The following ATP6V0A4 variants were observed in gnomAD, a reference collection of about 807,000 sequenced individuals.
ATP6V0A4 encodes V-type proton ATPase 116 kDa subunit a 4.
A neutral mutation model predicts 107.3 loss-of-function variants in ATP6V0A4; 86 were observed. The ratio of observed to expected loss-of-function variants is 0.80; its 90% CI spans 0.67 to 0.96. The LOEUF is 0.96. Among genes scored for constraint, ATP6V0A4 ranks in the 40% least tolerant of loss-of-function variants. The probability of loss-of-function intolerance (pLI) is 0.00; values close to 1 mark genes in which losing one functional copy is unlikely to be tolerated. For synonymous variants in ATP6V0A4, 353 were observed against 381.4 expected (o/e 0.93, Z 0.87); for missense variants, 908 against 1,045.6 (o/e 0.87, Z 1.81).
chr7:138,717,372 C>T (rs934656801), intron 19 of ATP6V0A4, among the ~76,000 whole-genome samples: 15 of 151,356 alleles, frequency 9.9e-5, no homozygotes, highest in African/African-American at 3.4e-4. Flanking sequence ...ACGGTGAAAC[C>T]TCGTCTCTAC....
chr7:138,755,872 TTTAG>T, intron 9 of ATP6V0A4, 90 bp from the exon 10 acceptor site: 1 of 1,554,636 alleles, frequency 6.4e-7, no homozygotes, highest in South Asian at 1.2e-5. Flanking sequence ...GTTTGCTGAC[TTTAG>T]TTAGATGGCC....
At position 138,792,766 on chromosome 7, in the gene ATP6V0A4, G is replaced by GTTTTTTT. The variant is rs1202969668; in HGVS notation, c.-121+5261_-121+5267dup. On this transcript the variant is annotated intron_variant, in intron 1 of 21. Transcript: ENST00000310018. Reference sequence around the variant, plus strand: ...GGCTTGCATCACCAAACTCAGGTTTGTTTTTTTTTTTGTTGTTTTGTTTTT... The same window carrying GTTTTTTT: ...GGCTTGCATCACCAAACTCAGGTTTGTTTTTTTTTTTTTTTTTTGTTGTTTTGTTTTT... Among the ~76,000 whole-genome samples the GTTTTTTT allele has an allele frequency of 5.4e-4, 37 of 68,670 alleles. 3 individuals are homozygous for GTTTTTTT. The highest frequency in any genetic ancestry group is 1.1e-3 in the African/African-American group (18 of 15,660). The allele number at this position is 68,670 out of a possible 152,430, so 45.1% of individuals were successfully genotyped here. A position where few individuals can be genotyped will look rare whatever the true frequency, so the allele number is the denominator to read the frequency against.
chr7:138,792,762 G>GTT (rs1563025215), intron 1 of ATP6V0A4, among the ~76,000 whole-genome samples: 5 of 73,772 alleles, frequency 6.8e-5, no homozygotes, highest in African/African-American at 3.3e-4. Flanking sequence ...CCAAACTCAG[G>GTT]TTTGTTTTTT....
At chr7:138,714,419 T>C (rs1388451421) in intron 20 of ATP6V0A4, among the ~76,000 whole-genome samples, 1 of 151,762 alleles carries the variant, frequency 6.6e-6, no homozygotes, top group African/African-American at 2.4e-5. Flanking sequence ...GGGGCTCGGA[T>C]CTTTATCAAA....
Position 138,786,660 on chromosome 7 carries a change from G to C in ATP6V0A4, c.-120-400C>G, listed in dbSNP as rs137914990. On this transcript the variant is annotated intron_variant, in intron 1 of 21. Transcript: ENST00000310018. ...TTTTTACCTATAGCCTAAGGAGAGAGAGAGAGACAGATTGAGAGAGAGAGA... is the reference window on the plus strand; with the variant it reads ...TTTTTACCTATAGCCTAAGGAGAGACAGAGAGACAGATTGAGAGAGAGAGA... 7.7e-3 allele frequency among the ~76,000 whole-genome samples: 1,171 copies of C among 151,970 alleles called. 18 individuals carry two copies. The highest frequency in any genetic ancestry group is 0.026 in the African/African-American group (1,096 of 41,480).
intron 12 of ATP6V0A4, among the ~76,000 whole-genome samples, chr7:138,748,340 G>A (rs967143284): frequency 5.3e-5 from 8 of 152,116 alleles, no homozygotes; most frequent in African/African-American, 1.7e-4. Context: ...TGGGCCTCAG[G>A]CTGGAGAAGA....
chr7:138,767,723 C>T (rs1185317469), intron 5 of ATP6V0A4, among the ~76,000 whole-genome samples: 1 of 151,760 alleles, frequency 6.6e-6, no homozygotes, highest in African/African-American at 2.4e-5. Context: ...CCTGAATGAG[C>T]TGTTCCACTG....
At chr7:138,755,923 A>G in intron 9 of ATP6V0A4, 141 bp from the exon 10 acceptor site, 2 of 1,457,364 alleles carry the variant, frequency 1.4e-6, no homozygotes, top group Non-Finnish European at 1.9e-6. Flanking sequence ...TGGCCACTGG[A>G]AAAGGAGTCC....
rs1803376983 is a variant in ATP6V0A4, at chr7:138,706,609, G to A, written c.*15C>T. The A allele has an allele frequency of 6.2e-7, 1 of 1,613,666 alleles. No homozygotes were observed. The highest frequency in any genetic ancestry group is 8.5e-7 in the Non-Finnish European group (1 of 1,179,750). ...CATTGGCATGGTGACCACCGTGGGA[G>A]GTGCAGCCCTCAGCCTACTCCTCGG... is the stretch of plus-strand genomic sequence containing the variant. On this transcript the variant is annotated 3_prime_UTR_variant, in exon 22 of 22. Coordinates refer to ENST00000310018, the MANE Select transcript of ATP6V0A4 (RefSeq NM_020632.3).
At chr7:138,718,479 AG>A (rs1804234603) in intron 19 of ATP6V0A4, among the ~76,000 whole-genome samples, 1 of 12,148 alleles carries the variant, frequency 8.2e-5, no homozygotes, top group African/African-American at 4.1e-4. Context: ...GATGGCGGGG[AG>A]GGTGCAGTCA....
chr7:138,740,602 C>T (rs1360445678), intron 14 of ATP6V0A4, among the ~76,000 whole-genome samples: 5 of 149,606 alleles, frequency 3.3e-5, no homozygotes, highest in African/African-American at 7.4e-5. Flanking sequence ...GCACCATGCC[C>T]GACTAATTTT....
chr7:138,764,558 T>A (rs1806994416), intron 5 of ATP6V0A4, among the ~76,000 whole-genome samples: 1 of 152,108 alleles, frequency 6.6e-6, no homozygotes. Context: ...TGCCTTGAAG[T>A]GTTAAGTGTA....
Position 138,794,909 on chromosome 7 carries a change from T to TA in ATP6V0A4, c.-121+3124_-121+3125insT, listed in dbSNP as rs1563026341. Among the ~76,000 whole-genome samples, 143 of 151,952 alleles carry TA rather than the reference T, an allele frequency of 9.4e-4. 1 individual carries two copies. The highest frequency in any genetic ancestry group is 3.4e-3 in the Middle Eastern group (1 of 292). ...TCCAGCCCACCCTATTTTTTTTTTT[T>TA]TTTTTTGAGACAGAGTCTCACTCTG... is the stretch of plus-strand genomic sequence containing the variant. On this transcript the variant is annotated intron_variant, in intron 1 of 21. Coordinates refer to ENST00000310018, the MANE Select transcript of ATP6V0A4 (RefSeq NM_020632.3).
chr7:138,737,106 G>T (rs1805363346), intron 15 of ATP6V0A4, among the ~76,000 whole-genome samples: 1 of 48,322 alleles, frequency 2.1e-5, no homozygotes, highest in South Asian at 7.6e-4. Context: ...TAAAAAGTAA[G>T]CCCTTATTAA....
Position 138,749,301 on chromosome 7 carries a change from G to C in ATP6V0A4, c.1046C>G (p.Ser349Cys). The C allele has an allele frequency of 6.2e-7, 1 of 1,611,948 alleles. No homozygotes were observed. Among genetic ancestry groups the C allele is most frequent in the Non-Finnish European group, 8.5e-7 (1 of 1,179,356 alleles). Residue 349 changes from serine to cysteine, a missense_variant, in exon 12 of 22, where the codon TCC (serine) becomes TGC (cysteine). Ser to Cys is a moderately radical substitution (Grantham distance 112, BLOSUM62 -1). Transcript: ENST00000310018. ...CACTGTGGTCATGATGGGGGCCATG[G>C]AGGAGCCACTTAGTTCCTGGAAAAA... is the stretch of plus-strand genomic sequence containing the variant. ...LEQGMELSGS[S>C]MAPIMTTVQS... is the part of the protein sequence containing the mutation.
At chr7:138,755,630 C>G in intron 10 of ATP6V0A4, 59 bp downstream of exon 10, 1 of 1,607,086 alleles carries the variant, frequency 6.2e-7, no homozygotes, top group Non-Finnish European at 8.5e-7. Flanking sequence ...TGTATGAAAA[C>G]AGCAGAGGCA....
intron 15 of ATP6V0A4, among the ~76,000 whole-genome samples, chr7:138,737,838 T>C (rs1805425960): frequency 6.6e-6 from 1 of 151,352 alleles, no homozygotes; most frequent in Non-Finnish European, 1.5e-5. Flanking sequence ...CTCAGCTCAC[T>C]GCAACCTCCA....
chr7:138,781,731 A>T (rs1313852152), intron 2 of ATP6V0A4, among the ~76,000 whole-genome samples: 2 of 151,994 alleles, frequency 1.3e-5, no homozygotes, highest in African/African-American at 2.4e-5. Context: ...TTATGGCATT[A>T]GTTAGGACTC....
chr7:138,778,348 G>A (rs952313291), intron 2 of ATP6V0A4, among the ~76,000 whole-genome samples: 6 of 151,764 alleles, frequency 4.0e-5, no homozygotes, highest in African/African-American at 1.5e-4. Context: ...GCAACAGAGT[G>A]AGACTGTCTC....
Sources: gnomAD v4.1 joint callset for allele counts (sites outside exome capture counted in the v4.1 genomes callset) on GRCh38, gnomAD v4.1.1 for gene constraint, MANE v1.5 for transcripts, NCBI Gene and HGNC (gene_info 2026-07-23, HGNC 2026-07-21) for gene names.